PSD3: variants seen among roughly 807,000 people sequenced by gnomAD.
The protein encoded by PSD3 is PH and SEC7 domain-containing protein 3.
PSD3 carries 49 observed loss-of-function variants against 105.5 expected under a neutral mutation model. The observed-to-expected ratio is 0.46, with a 90% confidence interval of 0.37 to 0.59. The LOEUF (loss-of-function observed/expected upper bound fraction) is 0.59, where lower values mean the gene tolerates loss of function less well. Ranked by LOEUF, PSD3 falls within the 20% of genes least tolerant of loss-of-function variation. PSD3 has a pLI of 0.00. For synonymous variants in PSD3, 557 were observed against 457.8 expected (o/e 1.22, Z -2.77); for missense variants, 1,561 against 1,263.8 (o/e 1.24, Z -3.57).
At chr8:18,863,727 T>G (rs1816624299) in intron 4 of PSD3, among the ~76,000 whole-genome samples, 1 of 152,154 alleles carries the variant, frequency 6.6e-6, no homozygotes, top group African/African-American at 2.4e-5. Flanking sequence ...CAAAGGTATT[T>G]AATACTTTTA....
chr8:18,591,661 T>C (rs1390215789), intron 12 of PSD3, among the ~76,000 whole-genome samples: 2 of 152,114 alleles, frequency 1.3e-5, no homozygotes, highest in Admixed American at 6.6e-5. Flanking sequence ...GTGTACTTGA[T>C]TTCTCCCTTG....
chr8:18,656,647 A>C (rs1264055649), intron 9 of PSD3, among the ~76,000 whole-genome samples: 1 of 152,118 alleles, frequency 6.6e-6, no homozygotes, highest in Admixed American at 6.5e-5. Flanking sequence ...TGCTACCCTG[A>C]TTCTCCCAGC....
intron 8 of PSD3, among the ~76,000 whole-genome samples, chr8:18,777,894 C>T (rs1273542070): frequency 6.6e-6 from 1 of 152,114 alleles, no homozygotes; most frequent in African/African-American, 2.4e-5. Context: ...GGAGAGCATA[C>T]AATATGTGTC....
chr8:18,578,927 AG>A (rs1026988139), intron 12 of PSD3, among the ~76,000 whole-genome samples: 1 of 152,132 alleles, frequency 6.6e-6, no homozygotes, highest in Non-Finnish European at 1.5e-5. Context: ...AGTGGAAGAC[AG>A]GATCTATTTA....
chr8:18,900,822 T>C (rs1440905470), intron 2 of PSD3, among the ~76,000 whole-genome samples: 2 of 152,002 alleles, frequency 1.3e-5, no homozygotes, highest in Admixed American at 6.6e-5. Context: ...ATACAACACA[T>C]AATTTACTGG....
At chr8:18,910,707 A>G (rs1204568023) in intron 2 of PSD3, among the ~76,000 whole-genome samples, 2 of 151,876 alleles carry the variant, frequency 1.3e-5, no homozygotes. Flanking sequence ...TCCAAAGGAA[A>G]AATACAAAAA....
At chr8:18,782,166 AT>A (rs1158406594) in intron 8 of PSD3, among the ~76,000 whole-genome samples, 1 of 151,604 alleles carries the variant, frequency 6.6e-6, no homozygotes, top group East Asian at 1.9e-4. Flanking sequence ...TATTTCATAG[AT>A]TTTTTTTAAT....
intron 4 of PSD3, among the ~76,000 whole-genome samples, chr8:18,849,885 G>C (rs1170165169): frequency 6.6e-6 from 1 of 152,226 alleles, no homozygotes; most frequent in Non-Finnish European, 1.5e-5. Context: ...GGACTTGCTA[G>C]ATGCACAAGT....
intron 4 of PSD3, among the ~76,000 whole-genome samples, chr8:18,844,176 C>T (rs1219306308): frequency 6.6e-6 from 1 of 151,632 alleles, no homozygotes; most frequent in Non-Finnish European, 1.5e-5. Flanking sequence ...GCTGTATCTC[C>T]CCAGGATTAA....
intron 9 of PSD3, among the ~76,000 whole-genome samples, chr8:18,715,143 G>A (rs538345073): frequency 2.0e-5 from 3 of 152,198 alleles, no homozygotes; most frequent in Admixed American, 6.5e-5. Context: ...GTGGGAAGAC[G>A]GAGAACATCA....
At chr8:18,728,405 T>C (rs1007688994) in intron 9 of PSD3, among the ~76,000 whole-genome samples, 3 of 152,162 alleles carry the variant, frequency 2.0e-5, no homozygotes, top group African/African-American at 7.2e-5. Flanking sequence ...CACTTAGACT[T>C]TGATGACAGG....
At chr8:18,974,942 AG>A (rs1432504011) in intron 1 of PSD3, among the ~76,000 whole-genome samples, 2 of 152,180 alleles carry the variant, frequency 1.3e-5, no homozygotes, top group African/African-American at 4.8e-5. Context: ...CTTGACCAGA[AG>A]GGAAGCAGTT....
intron 4 of PSD3, among the ~76,000 whole-genome samples, chr8:18,848,157 TA>T (rs1815252311): frequency 6.6e-6 from 1 of 152,200 alleles, no homozygotes. Context: ...TAAATCCTGT[TA>T]CTTCCTTTAC....
intron 10 of PSD3, among the ~76,000 whole-genome samples, chr8:18,643,501 A>G (rs548916084): frequency 2.2e-4 from 33 of 152,154 alleles, no homozygotes; most frequent in Non-Finnish European, 3.5e-4. Context: ...CAAATTTCCC[A>G]CCAGCTGTGG....
chr8:18,978,525 CT>C (rs1379487509), intron 1 of PSD3, among the ~76,000 whole-genome samples: 4 of 152,144 alleles, frequency 2.6e-5, no homozygotes, highest in African/African-American at 9.7e-5. Context: ...CCCTCCTCTC[CT>C]TAACATCTCT....
intron 11 of PSD3, among the ~76,000 whole-genome samples, chr8:18,601,796 T>C (rs1288738537): frequency 2.0e-5 from 3 of 152,160 alleles, no homozygotes; most frequent in Admixed American, 1.3e-4. Context: ...CATTGTTCAA[T>C]AGATGTGAAA....
chr8:18,655,686 C>A lies in PSD3; in HGVS notation c.2173-1G>T. 6.2e-7 allele frequency: 1 copy of A among 1,613,222 alleles called. No individual in the cohort carries two copies. The highest frequency in any genetic ancestry group is 8.5e-7 in the Non-Finnish European group (1 of 1,179,300). On this transcript the variant is annotated splice_acceptor_variant, in intron 9 of 15. Coordinates refer to ENST00000327040, the MANE Select transcript of PSD3 (RefSeq NM_015310.4). LOFTEE classifies it high-confidence loss of function. Reference sequence around the variant, plus strand: ...CATTCTTGATTGAGTTGTACAGAGCCTGTAAAGAGAGAAAATGAGATCACA... The same window carrying A: ...CATTCTTGATTGAGTTGTACAGAGCATGTAAAGAGAGAAAATGAGATCACA...
chr8:18,694,343 G>A lies in PSD3; in HGVS notation c.2173-38658C>T, dbSNP rs541666255. On this transcript the variant is annotated intron_variant, in intron 9 of 15. Coordinates refer to ENST00000327040, the MANE Select transcript of PSD3 (RefSeq NM_015310.4). ...AATGAAGTTCCAGCCAGGCGCGGTG[G>A]CGCACGTCTGTAATCCCAGCACTTT... Among the ~76,000 whole-genome samples the A allele has an allele frequency of 2.0e-5, 3 of 152,354 alleles. No individual in the cohort carries two copies. In the East Asian group the frequency reaches 5.8e-4, roughly 29 times the overall value.
At chr8:18,955,162 G>T (rs148162322) in intron 1 of PSD3, among the ~76,000 whole-genome samples, 1 of 152,306 alleles carries the variant, frequency 6.6e-6, no homozygotes, top group Admixed American at 6.5e-5. Context: ...GTAGGCTGAA[G>T]AAGATTCCCC....
Sources: allele counts gnomAD v4.1 joint callset (sites outside exome capture counted in the v4.1 genomes callset), GRCh38; gene constraint gnomAD v4.1.1; transcripts MANE v1.5; gene names NCBI Gene and HGNC (gene_info 2026-07-23, HGNC 2026-07-21).